PCDHA3: variants seen among roughly 807,000 people sequenced by gnomAD.
PCDHA3 encodes protocadherin alpha-3.
Under a neutral mutation model 62.2 loss-of-function variants are expected in PCDHA3, and 41 were observed. The observed-to-expected ratio is 0.66, with a 90% CI of 0.51 to 0.86. PCDHA3 has a LOEUF of 0.86. PCDHA3 is among the 40% of genes least tolerant of loss of function. The probability of loss-of-function intolerance (pLI) is 0.00; values close to 1 mark genes in which losing one functional copy is unlikely to be tolerated. For missense variants in PCDHA3, 1,304 were observed against 1,241.2 expected (o/e 1.05, Z -0.76); for synonymous variants, 640 against 555.4 (o/e 1.15, Z -2.14).
At position 140,927,644 on chromosome 5, in the gene PCDHA3, T is replaced by C. The variant is rs370145398; in HGVS notation, c.2395-51305T>C. On this transcript the variant is annotated intron_variant, in intron 1 of 3. Coordinates refer to ENST00000522353, the MANE Select transcript of PCDHA3 (RefSeq NM_018906.3). The stretch of plus-strand genomic sequence containing the variant: ...CCAGAGACTGCACCCAATGGGACTG[T>C]GTTATTCCGAGTTCAAGCCTTGGAT... The C allele has an allele frequency of 4.6e-5, 74 of 1,614,028 alleles. 1 individual carries two copies. Among genetic ancestry groups the C allele is most frequent in the Non-Finnish European group, 5.8e-5 (68 of 1,180,020 alleles).
intron 1 of PCDHA3, chr5:140,926,708 C>G (rs1554203635): frequency 2.2e-6 from 2 of 896,142 alleles, no homozygotes; most frequent in South Asian, 5.3e-5. Context: ...CCCAGCTGGC[C>G]AGCCCCGGCA....
chr5:140,828,244 C>T (rs1769643037), intron 1 of PCDHA3: 3 of 1,613,960 alleles, frequency 1.9e-6, no homozygotes, highest in East Asian at 2.2e-5. Context: ...TCGCGCAGGA[C>T]CTGGGGCTGG....
Position 140,897,056 on chromosome 5 carries a change from T to C in PCDHA3, c.2395-81893T>C, listed in dbSNP as rs147544543. Among the ~76,000 whole-genome samples the C allele has an allele frequency of 2.6e-3, 395 of 152,288 alleles. 2 individuals carry two copies. The highest frequency in any genetic ancestry group is 9.2e-3 in the African/African-American group (384 of 41,556). ...ATAGTCACCCTATTCTGCTGTCAAA[T>C]ACTATGTCTTATTCATTTTTTCTAT... On this transcript the variant is annotated intron_variant, in intron 1 of 3. Coordinates refer to ENST00000522353, the MANE Select transcript of PCDHA3 (RefSeq NM_018906.3).
At chr5:140,965,403 T>G (rs1241477329) in intron 1 of PCDHA3, among the ~76,000 whole-genome samples, 1 of 151,946 alleles carries the variant, frequency 6.6e-6, no homozygotes, top group Admixed American at 6.6e-5. Flanking sequence ...GTCTAAGGAG[T>G]CTTATATTTA....
Position 140,836,313 on chromosome 5 carries a change from C to T in PCDHA3, c.2394+32722C>T, listed in dbSNP as rs2150257393. 228 of 1,613,608 alleles carry T rather than the reference C, an allele frequency of 1.4e-4. 1 individual carries two copies. Among genetic ancestry groups the T allele is most frequent in the Non-Finnish European group, 1.4e-5 (16 of 1,179,840 alleles). On this transcript the variant is annotated intron_variant, in intron 1 of 3. Coordinates refer to ENST00000522353, the MANE Select transcript of PCDHA3 (RefSeq NM_018906.3). The stretch of plus-strand genomic sequence containing the variant: ...AGCCCTAGATGAGACGGACGCACCG[C>T]GCCACCGCCTTCTGGTGCTTGTGAA...
chr5:140,844,721 G>A (rs2150373473), intron 1 of PCDHA3, among the ~76,000 whole-genome samples: 7 of 149,390 alleles, frequency 4.7e-5, no homozygotes, highest in African/African-American at 1.5e-4. Flanking sequence ...CCATTAGTTC[G>A]TGTAAAAATA....
intron 1 of PCDHA3, chr5:140,841,564 T>C (rs2150318261): frequency 1.2e-6 from 2 of 1,613,882 alleles, no homozygotes; most frequent in South Asian, 1.1e-5. Flanking sequence ...GTCTGCAGAA[T>C]GGCATTTTGT....
chr5:140,805,656 C>T, intron 1 of PCDHA3: 1 of 845,064 alleles, frequency 1.2e-6, no homozygotes, highest in Non-Finnish European at 1.4e-6. Flanking sequence ...AGTCTTCATT[C>T]CCCATTAATA....
At chr5:140,846,369 C>CTTTTTTTTTTTTTTTTTT (rs797033964) in intron 1 of PCDHA3, among the ~76,000 whole-genome samples, 2 of 102,192 alleles carry the variant, frequency 2.0e-5, no homozygotes, top group South Asian at 3.3e-4. Flanking sequence ...TCTTTTCTTT[C>CTTTTTTTTTTTTTTTTTT]TTTCTTTTTT....
intron 3 of PCDHA3, chr5:140,988,873 G>A (rs1471282852): frequency 6.6e-6 from 1 of 152,170 alleles, no homozygotes; most frequent in Non-Finnish European, 1.5e-5. Context: ...GCACTCAGAT[G>A]TACGATCCTG....
intron 1 of PCDHA3, among the ~76,000 whole-genome samples, chr5:140,916,761 G>A (rs1391817856): frequency 2.0e-5 from 3 of 152,306 alleles, no homozygotes; most frequent in South Asian, 2.1e-4. Flanking sequence ...TTAGGGGAGG[G>A]GTGGCACAAG....
chr5:140,822,689 G>A (rs2150118591), intron 1 of PCDHA3: 13 of 1,609,572 alleles, frequency 8.1e-6, no homozygotes. Flanking sequence ...AAAGTTAACG[G>A]GGAACTGGAT....
At chr5:140,841,478 G>T (rs2150316253) in intron 1 of PCDHA3, 16 of 1,612,980 alleles carry the variant, frequency 9.9e-6, no homozygotes, top group Non-Finnish European at 1.2e-5. Context: ...GCAGGACCTG[G>T]GGCTGGAGCT....
In PCDHA3 at chr5:140,829,870, G is replaced by T. The variant is rs2150176653; in HGVS notation, c.2394+26279G>T. 13 of 1,613,946 alleles carry T rather than the reference G, an allele frequency of 8.1e-6. No individual in the cohort carries two copies. The South Asian group carries it at 1.4e-4, about 18-fold the overall frequency. ...TGGGTGCAGGCCAAGTGGTGGCGAA[G>T]GTGCGCGCAGTTGACGCCGACTCAG... On this transcript the variant is annotated intron_variant, in intron 1 of 3. Transcript: ENST00000522353.
chr5:141,000,421 A>ATATTTTT (rs1265241806), intron 3 of PCDHA3, among the ~76,000 whole-genome samples: 1 of 27,968 alleles, frequency 3.6e-5, no homozygotes, highest in Non-Finnish European at 5.7e-5. Context: ...ATATATATAT[A>ATATTTTT]TTTTTTTTTT....
chr5:140,836,926 G>A (rs1041643515), intron 1 of PCDHA3: 6 of 510,622 alleles, frequency 1.2e-5, no homozygotes, highest in Non-Finnish European at 1.7e-5. Flanking sequence ...TTTGGGATGC[G>A]TAATACTATA....
At chr5:140,850,426 G>A (rs2150483795) in intron 1 of PCDHA3, 1 of 1,597,836 alleles carries the variant, frequency 6.3e-7, no homozygotes, top group Non-Finnish European at 8.6e-7. Flanking sequence ...GACGCACCGC[G>A]CCAGCGCCTA....
At position 140,829,707 on chromosome 5, in the gene PCDHA3, AC is replaced by A. The variant is rs2150172944; in HGVS notation, c.2394+26117del. On this transcript the variant is annotated intron_variant, in intron 1 of 3. Transcript: ENST00000522353. ...CTGCAGTTTCAGGTGAGCGCGCGCG[AC>A]GCGGGCGTGCCGCCTCTGGGCAGCA... is the stretch of plus-strand genomic sequence containing the variant. 3.1e-6 allele frequency: 5 copies of A among 1,613,270 alleles called. No individual in the cohort carries two copies. In the East Asian group the frequency reaches 1.1e-4, roughly 36 times the overall value.
At position 140,853,803 on chromosome 5, in the gene PCDHA3, C is replaced by T. The variant is rs574954325; in HGVS notation, c.2394+50212C>T. ...GTAAGAGCAAATTTTCATTTTAAAG[C>T]ACACCTGAGATGATTCTCATACAAC... On this transcript the variant is annotated intron_variant, in intron 1 of 3. Transcript: ENST00000522353. 88 of 986,658 alleles carry T rather than the reference C, an allele frequency of 8.9e-5. 10 individuals are homozygous for T. The highest frequency in any genetic ancestry group is 1.9e-4 in the South Asian group (4 of 21,086). The allele number at this position is 986,658 out of a possible 1,614,324, so 61.1% of individuals were successfully genotyped here. A position where few individuals can be genotyped will look rare whatever the true frequency, so the allele number is the denominator to read the frequency against.
Sources: allele counts gnomAD v4.1 joint callset (sites outside exome capture counted in the v4.1 genomes callset), GRCh38; gene constraint gnomAD v4.1.1; transcripts MANE v1.5; gene names NCBI Gene and HGNC (gene_info 2026-07-23, HGNC 2026-07-21).